SOD2: variants seen among roughly 807,000 people sequenced by gnomAD.
SOD2 encodes superoxide dismutase 2, also known as superoxide dismutase [Mn], mitochondrial.
In SOD2, 11 loss-of-function variants were observed where a neutral mutation model predicts 27.0. The observed-to-expected ratio is 0.41, with a 90% CI of 0.26 to 0.67. SOD2 has a LOEUF of 0.67. Ranked by LOEUF, SOD2 falls within the 30% of genes least tolerant of loss-of-function variation. The probability of loss-of-function intolerance (pLI) is 0.34; values close to 1 mark genes in which losing one functional copy is unlikely to be tolerated. For synonymous variants in SOD2, 105 were observed against 103.0 expected, an observed-to-expected ratio of 1.02 and a Z score of -0.12; for missense variants, 250 against 274.5, an observed-to-expected ratio of 0.91 and a Z score of 0.63.
intron 4 of SOD2, among the ~76,000 whole-genome samples, chr6:159,683,742 C>A (rs1263862890): frequency 6.6e-6 from 1 of 152,162 alleles, no homozygotes; most frequent in Non-Finnish European, 1.5e-5. Flanking sequence ...TCATGCAGCT[C>A]TACAAATAAC....
intron 1 of SOD2, among the ~76,000 whole-genome samples, chr6:159,709,117 A>C (rs1296710998): frequency 6.6e-6 from 1 of 152,250 alleles, no homozygotes; most frequent in Non-Finnish European, 1.5e-5. Flanking sequence ...AAATTAATTC[A>C]AGATGGATTA....
intron 1 of SOD2, chr6:159,753,583 A>G (rs1186387430): frequency 6.2e-7 from 1 of 1,614,132 alleles, no homozygotes; most frequent in Non-Finnish European, 8.5e-7. Flanking sequence ...TACAGAAGAA[A>G]TACAGTGAGG....
At chr6:159,727,149 G>A (rs887080022) in exon 1 of SOD2, 157 of 1,195,526 alleles carry the variant, frequency 1.3e-4, no homozygotes, top group African/African-American at 1.3e-3. Flanking sequence ...GAGCTCCGGG[G>A]CCCGCGGAGC....
chr6:159,727,929 G>A (rs1474430853), upstream of SOD2, among the ~76,000 whole-genome samples: 1 of 152,240 alleles, frequency 6.6e-6, no homozygotes, highest in Non-Finnish European at 1.5e-5. Context: ...GGCCCGGGTT[G>A]AGAGGGGTGC....
At chr6:159,742,512 G>A (rs932879095) in intron 1 of SOD2, among the ~76,000 whole-genome samples, 1 of 151,996 alleles carries the variant, frequency 6.6e-6, no homozygotes, top group Non-Finnish European at 1.5e-5. Context: ...ATAAACAGAA[G>A]CAACCAGTAA....
intron 1 of SOD2, among the ~76,000 whole-genome samples, chr6:159,706,302 A>C (rs1171337235): frequency 6.6e-6 from 1 of 152,224 alleles, no homozygotes; most frequent in East Asian, 1.9e-4. Flanking sequence ...TAAATGCTCC[A>C]ATTAAAAGAC....
intron 1 of SOD2, among the ~76,000 whole-genome samples, chr6:159,724,635 G>A (rs1312968299): frequency 1.3e-5 from 2 of 152,034 alleles, no homozygotes; most frequent in Non-Finnish European, 2.9e-5. Context: ...TAGGTGGGAG[G>A]ATCACTTGAG....
At chr6:159,739,598 CTG>C (rs1779121195) in intron 1 of SOD2, among the ~76,000 whole-genome samples, 1 of 152,058 alleles carries the variant, frequency 6.6e-6, no homozygotes, top group Non-Finnish European at 1.5e-5. Context: ...GTAGGATGTT[CTG>C]TGTTTTGTAA....
At chr6:159,761,474 G>A (rs1780123090) in exon 1 of SOD2, 1 of 453,142 alleles carries the variant, frequency 2.2e-6, no homozygotes, top group South Asian at 1.6e-5. Flanking sequence ...GCACCGAGAC[G>A]CTCCTAGCAA....
chr6:159,692,678 T>C lies in SOD2; in HGVS notation c.209A>G (p.Gln70Arg), dbSNP rs1777274285. ...GAACCTACCCTTGGCCAACGCCTCC[T>C]GGTACTTCTCCTCGGTGACGTTCAG... ...NNLNVTEEKY[Q>R]EALAKGDVTA... The change falls in exon 2 of 5, where the codon CAG becomes CGG. Residue 70 changes from glutamine to arginine, a missense_variant. Gln to Arg is a conservative substitution (Grantham distance 43). Coordinates refer to ENST00000538183, the MANE Select transcript of SOD2 (RefSeq NM_000636.4). 1 of 1,614,008 alleles carries C rather than the reference T, an allele frequency of 6.2e-7. No homozygotes were observed. Among genetic ancestry groups the C allele is most frequent in the Non-Finnish European group, 8.5e-7 (1 of 1,179,998 alleles).
chr6:159,741,692 T>C (rs930496215), intron 1 of SOD2: 1 of 169,104 alleles, frequency 5.9e-6, no homozygotes, highest in South Asian at 1.3e-4. Context: ...TTATGATCAG[T>C]TAAACTAGAT....
At chr6:159,732,870 CTCTG>C (rs1231994956) in intron 1 of SOD2, among the ~76,000 whole-genome samples, 1 of 127,180 alleles carries the variant, frequency 7.9e-6, no homozygotes, top group African/African-American at 3.5e-5. Flanking sequence ...CTCTCTCTCT[CTCTG>C]TATATATATA....
At chr6:159,684,533 C>T (rs545275418) in intron 4 of SOD2, among the ~76,000 whole-genome samples, 5 of 152,276 alleles carry the variant, frequency 3.3e-5, no homozygotes, top group Admixed American at 2.6e-4. Flanking sequence ...AGGAGAATCA[C>T]TTGAACCCAG....
intron 2 of SOD2, among the ~76,000 whole-genome samples, chr6:159,689,660 G>A (rs1046574111): frequency 4.6e-5 from 7 of 152,160 alleles, no homozygotes; most frequent in African/African-American, 1.2e-4. Context: ...GAAAGTGTAC[G>A]TTAAGAACAT....
At chr6:159,700,447 G>T (rs190910792) in intron 1 of SOD2, among the ~76,000 whole-genome samples, 3 of 152,074 alleles carry the variant, frequency 2.0e-5, no homozygotes, top group Non-Finnish European at 4.4e-5. Context: ...AAGGTCAGGC[G>T]ATCGAGACCA....
intron 1 of SOD2, chr6:159,726,213 T>G (rs1406817796): frequency 6.6e-6 from 1 of 152,420 alleles, no homozygotes; most frequent in African/African-American, 2.4e-5. Flanking sequence ...CCATTGTAAG[T>G]GAGGTGGAGC....
intron 1 of SOD2, among the ~76,000 whole-genome samples, chr6:159,702,676 A>AAAAAAAAAG (rs1554260556): frequency 1.4e-5 from 2 of 143,136 alleles, no homozygotes; most frequent in Admixed American, 1.4e-4. Context: ...AAAAAAAAAA[A>AAAAAAAAAG]AAAGAAAGAA....
chr6:159,748,082 G>A, upstream of SOD2: 1 of 1,319,420 alleles, frequency 7.6e-7, no homozygotes, highest in Non-Finnish European at 1.0e-6. The surrounding 1 kb of genome is among the most constrained non-coding windows in gnomAD (Gnocchi z 5.6). Context: ...AAAGAGGGGA[G>A]GAGCTTAATG....
At position 159,669,504 on chromosome 6, in the gene SOD2, T is replaced by G. The variant is rs939647037; in HGVS notation, c.*12989A>C. ...CATCCAGTGTGGGGTACATATATAT[T>G]TATAATGATAATATCCTCAGGCCTG... On this transcript the variant is annotated 3_prime_UTR_variant, in exon 5 of 5. Transcript: ENST00000538183. 6.6e-6 allele frequency: 1 copy of G among 152,158 alleles called. No individual in the cohort carries two copies. The highest frequency in any genetic ancestry group is 2.4e-5 in the African/African-American group (1 of 41,418). 9.4% of individuals were successfully genotyped at this position (152,158 alleles called of 1,614,324 possible).
Sources: gnomAD v4.1 joint callset for allele counts (sites outside exome capture counted in the v4.1 genomes callset) on GRCh38, gnomAD v4.1.1 for gene constraint, Gnocchi (gnomAD v3.1) non-coding constraint, MANE v1.5 for transcripts, NCBI Gene and HGNC (gene_info 2026-07-23, HGNC 2026-07-21) for gene names.